CCDC7: variants seen among roughly 807,000 people sequenced by gnomAD.
CCDC7 encodes coiled-coil domain containing 7.
Under a neutral mutation model 196.9 loss-of-function variants are expected in CCDC7, and 183 were observed. The ratio of observed to expected loss-of-function variants is 0.93; its 90% CI spans 0.82 to 1.05. The LOEUF (loss-of-function observed/expected upper bound fraction) is 1.05. Among genes scored for constraint, CCDC7 ranks in the 50% least tolerant of loss-of-function variants. The probability of loss-of-function intolerance (pLI) is 0.00; values close to 1 mark genes in which losing one functional copy is unlikely to be tolerated. For missense variants in CCDC7, 1,540 were observed against 1,482.2 expected (o/e 1.04, Z -0.64); for synonymous variants, 525 against 484.6 (o/e 1.08, Z -1.10).
intron 9 of CCDC7, chr10:32,512,054 C>A: frequency 3.7e-6 from 1 of 272,030 alleles, no homozygotes. Flanking sequence ...TAGCTGTTCA[C>A]CTGTGCATAT....
At chr10:32,702,697 G>A (rs2078963178) in intron 24 of CCDC7, among the ~76,000 whole-genome samples, 1 of 152,030 alleles carries the variant, frequency 6.6e-6, no homozygotes, top group African/African-American at 2.4e-5. Flanking sequence ...TATGAATCTG[G>A]GTGCTCCTGT....
intron 23 of CCDC7, among the ~76,000 whole-genome samples, chr10:32,693,605 C>T (rs551625297): frequency 3.3e-5 from 5 of 152,158 alleles, no homozygotes; most frequent in African/African-American, 7.2e-5. Context: ...GTATACAGCA[C>T]GTCCTTGAAT....
At chr10:32,845,221 G>A in intron 33 of CCDC7, 22 bp from the exon 35 acceptor site, 1 of 1,391,144 alleles carries the variant, frequency 7.2e-7, no homozygotes, top group Non-Finnish European at 9.9e-7. Context: ...AAAATATATT[G>A]ATATCTGTTT....
intron 23 of CCDC7, among the ~76,000 whole-genome samples, chr10:32,692,588 G>T (rs569232993): frequency 1.3e-5 from 2 of 152,280 alleles, no homozygotes; most frequent in South Asian, 4.1e-4. Context: ...CTACCAAAGT[G>T]TTCCTTCCAG....
At position 32,582,902 on chromosome 10, in the gene CCDC7, T is replaced by C. The variant is rs917756580; in HGVS notation, c.1455-132T>C. 5.8e-6 allele frequency: 3 copies of C among 514,292 alleles called. No individual in the cohort carries two copies. The East Asian group carries it at 1.1e-4, about 19-fold the overall frequency. 31.9% of individuals were successfully genotyped at this position (514,292 alleles called of 1,614,324 possible). On this transcript the variant is annotated intron_variant, in intron 16 of 41. Transcript: ENST00000639629. ...TTGTTACCTAGCATCAATTTCATATTGGAATAACCATAAACTAATGAGTAA... is the reference window on the plus strand; with the variant it reads ...TTGTTACCTAGCATCAATTTCATATCGGAATAACCATAAACTAATGAGTAA...
chr10:32,463,366 T>C (rs1335820839), intron 5 of CCDC7, among the ~76,000 whole-genome samples: 1 of 152,210 alleles, frequency 6.6e-6, no homozygotes, highest in African/African-American at 2.4e-5. Flanking sequence ...ACCTTTCACT[T>C]TAAATATTTC....
intron 28 of CCDC7, among the ~76,000 whole-genome samples, chr10:32,744,373 GAAAAA>G (rs544931743): frequency 8.0e-6 from 1 of 125,314 alleles, no homozygotes; most frequent in Admixed American, 8.1e-5. Flanking sequence ...TCCTGCTGGT[GAAAAA>G]AAAAAAAAAA....
chr10:32,513,977 T>C (rs2046635190), intron 9 of CCDC7: 1 of 152,170 alleles, frequency 6.6e-6, no homozygotes, highest in Non-Finnish European at 1.5e-5. Flanking sequence ...GTGGAGGTTC[T>C]AGCAAGGGCA....
intron 11 of CCDC7, 26 bp from the exon 13 acceptor site, chr10:32,543,273 AT>A (rs1000279368): frequency 7.3e-7 from 1 of 1,374,842 alleles, no homozygotes; most frequent in African/African-American, 1.5e-5. Context: ...TTAACCCTTT[AT>A]TTCTGGCTTA....
intron 29 of CCDC7, among the ~76,000 whole-genome samples, chr10:32,794,981 A>G (rs941774851): frequency 1.3e-5 from 2 of 151,960 alleles, no homozygotes; most frequent in East Asian, 3.9e-4. Flanking sequence ...GTGCTTGGCA[A>G]CCCCATGTAG....
intron 13 of CCDC7, among the ~76,000 whole-genome samples, chr10:32,546,535 G>A (rs1422866700): frequency 2.0e-5 from 3 of 152,152 alleles, no homozygotes. Flanking sequence ...AAGTGTACAA[G>A]TATGTGCAAG....
chr10:32,594,379 T>C (rs1332456100), intron 18 of CCDC7, among the ~76,000 whole-genome samples: 2 of 152,192 alleles, frequency 1.3e-5, no homozygotes, highest in Non-Finnish European at 2.9e-5. Flanking sequence ...AGAATGCTTG[T>C]GATTTTTGCA....
chr10:32,726,749 C>A (rs1284535700), exon 26 of CCDC7: 3 of 1,591,150 alleles, frequency 1.9e-6, no homozygotes, highest in Admixed American at 3.4e-5. Flanking sequence ...GATAAAAATT[C>A]TATGTTTGTT....
At chr10:32,753,806 T>C (rs1461899387) in intron 28 of CCDC7, among the ~76,000 whole-genome samples, 1 of 152,180 alleles carries the variant, frequency 6.6e-6, no homozygotes, top group African/African-American at 2.4e-5. Flanking sequence ...TTTCAGATTT[T>C]TAAGTGACAA....
chr10:32,656,869 A>G (rs2070009986), intron 20 of CCDC7, among the ~76,000 whole-genome samples: 1 of 152,224 alleles, frequency 6.6e-6, no homozygotes, highest in South Asian at 2.1e-4. Flanking sequence ...ACCCTGTGAA[A>G]TCAAAGGCTT....
At chr10:32,529,605 T>C (rs1206636598) in intron 11 of CCDC7, among the ~76,000 whole-genome samples, 1 of 152,192 alleles carries the variant, frequency 6.6e-6, no homozygotes, top group East Asian at 1.9e-4. Flanking sequence ...TTAGCCTGCT[T>C]TTTAGTGGGA....
chr10:32,519,601 G>T lies in CCDC7; in HGVS notation c.993+1096G>T, dbSNP rs963539635. Among the ~76,000 whole-genome samples the T allele has an allele frequency of 3.3e-5, 5 of 152,024 alleles. No individual in the cohort carries two copies. The South Asian group carries it at 1.0e-3, about 32-fold the overall frequency. ...TTTAAAAAAATTTTTATTTTTGTGG[G>T]TACATAGTAGGTGTATATATTTATG... On this transcript the variant is annotated intron_variant, in intron 11 of 41. Transcript: ENST00000639629.
At chr10:32,754,513 T>C (rs1466183816) in intron 28 of CCDC7, among the ~76,000 whole-genome samples, 2 of 152,220 alleles carry the variant, frequency 1.3e-5, no homozygotes. Context: ...GATGAAATTT[T>C]ATAAATATGA....
At chr10:32,611,615 A>C (rs10740858) in intron 18 of CCDC7, among the ~76,000 whole-genome samples, 3 of 151,982 alleles carry the variant, frequency 2.0e-5, no homozygotes, top group Non-Finnish European at 4.4e-5. Context: ...TAAGGAAGGG[A>C]TCCAGTTTCA....
Sources: gnomAD v4.1 joint callset for allele counts (sites outside exome capture counted in the v4.1 genomes callset) on GRCh38, gnomAD v4.1.1 for gene constraint, MANE v1.5 for transcripts, NCBI Gene and HGNC (gene_info 2026-07-23, HGNC 2026-07-21) for gene names.